ZNF407: variants seen among roughly 807,000 people sequenced by gnomAD.
ZNF407 encodes zinc finger protein 407.
Under a neutral mutation model 131.2 loss-of-function variants are expected in ZNF407, and 17 were observed. The ratio of observed to expected loss-of-function variants is 0.13; its 90% CI spans 0.09 to 0.19. The LOEUF (loss-of-function observed/expected upper bound fraction) is 0.19. Among genes scored for constraint, ZNF407 ranks in the 10% least tolerant of loss-of-function variants. The pLI, the probability that ZNF407 is intolerant of heterozygous loss-of-function variation, is 1.00. For synonymous variants in ZNF407, 1,156 were observed against 1,062.0 expected, an observed-to-expected ratio of 1.09 and a Z score of -1.72; for missense variants, 2,681 against 2,830.6, an observed-to-expected ratio of 0.95 and a Z score of 1.20.
intron 5 of ZNF407, among the ~76,000 whole-genome samples, chr18:74,878,965 T>C (rs1184889690): frequency 6.7e-6 from 1 of 148,640 alleles, no homozygotes; most frequent in Non-Finnish European, 1.5e-5. Context: ...AAATATGATA[T>C]ACAATACATT....
At chr18:74,708,937 C>T (rs771764351) in intron 3 of ZNF407, among the ~76,000 whole-genome samples, 8 of 152,148 alleles carry the variant, frequency 5.3e-5, no homozygotes, top group Admixed American at 1.3e-4. Flanking sequence ...TAGGGCCTGT[C>T]GCAGAGAATT....
intron 8 of ZNF407, among the ~76,000 whole-genome samples, chr18:74,948,541 A>G (rs558822874): frequency 5.3e-5 from 8 of 152,234 alleles, no homozygotes; most frequent in Non-Finnish European, 1.0e-4. Flanking sequence ...AATGCAGTAA[A>G]TGTTGAATCC....
In ZNF407 at chr18:74,824,533, C is replaced by G. The variant is rs528073468; in HGVS notation, c.4877+43031C>G. 4.6e-5 allele frequency among the ~76,000 whole-genome samples: 7 copies of G among 152,268 alleles called. No homozygotes were observed. In the East Asian group the frequency reaches 1.4e-3, roughly 29 times the overall value. On this transcript the variant is annotated intron_variant, in intron 4 of 8. Transcript: ENST00000299687. ...GCAATAAAAAATGATAAAGGGATAT[C>G]ACCACCAATCCCACAGAAATACAAA...
intron 3 of ZNF407, among the ~76,000 whole-genome samples, chr18:74,674,472 A>G (rs191508486): frequency 1.5e-4 from 22 of 150,498 alleles, no homozygotes; most frequent in Admixed American, 3.3e-4. Context: ...CAAGTGGTCA[A>G]TGATCAATAC....
At chr18:74,937,443 C>T (rs1910300367) in intron 8 of ZNF407, among the ~76,000 whole-genome samples, 1 of 152,180 alleles carries the variant, frequency 6.6e-6, no homozygotes, top group Non-Finnish European at 1.5e-5. Context: ...CCTGTGGTTT[C>T]TGTATAACCA....
intron 4 of ZNF407, among the ~76,000 whole-genome samples, chr18:74,787,837 A>G (rs182869277): frequency 6.6e-6 from 1 of 152,366 alleles, no homozygotes; most frequent in African/African-American, 2.4e-5. Flanking sequence ...AATGACTTAA[A>G]TTTAAGACTG....
intron 8 of ZNF407, among the ~76,000 whole-genome samples, chr18:75,039,267 T>C (rs920449074): frequency 1.3e-5 from 2 of 152,254 alleles, no homozygotes; most frequent in African/African-American, 4.8e-5. Flanking sequence ...TTTACACTGA[T>C]GATTTCAGTA....
At chr18:74,842,083 G>A (rs1970641730) in intron 4 of ZNF407, among the ~76,000 whole-genome samples, 1 of 152,038 alleles carries the variant, frequency 6.6e-6, no homozygotes, top group Non-Finnish European at 1.5e-5. Flanking sequence ...GTGTTATTTT[G>A]GTCAGACATT....
In ZNF407 at chr18:74,742,712, C is replaced by T. The variant is rs557260310; in HGVS notation, c.4803-38716C>T. Among the ~76,000 whole-genome samples, 4 of 152,108 alleles carry T rather than the reference C, an allele frequency of 2.6e-5. No homozygotes were observed. The South Asian group carries it at 8.3e-4, about 32-fold the overall frequency. Reference sequence around the variant, plus strand: ...TGTAGCTGCAGTAGCTCAAAGTATCCATTTGCTCACATTTTTCTCCTGTGT... The same window carrying T: ...TGTAGCTGCAGTAGCTCAAAGTATCTATTTGCTCACATTTTTCTCCTGTGT... On this transcript the variant is annotated intron_variant, in intron 3 of 8. Transcript: ENST00000299687.
intron 8 of ZNF407, among the ~76,000 whole-genome samples, chr18:74,974,146 G>A (rs951783117): frequency 6.6e-6 from 1 of 152,076 alleles, no homozygotes; most frequent in African/African-American, 2.4e-5. Context: ...GTGCAGATGT[G>A]CGATGGACAT....
At chr18:74,619,872 G>A (rs986692115) in intron 1 of ZNF407, among the ~76,000 whole-genome samples, 4 of 152,080 alleles carry the variant, frequency 2.6e-5, no homozygotes, top group African/African-American at 9.7e-5. Context: ...ATCGTGATTA[G>A]TTACATTGAT....
chr18:74,794,785 C>T (rs1356570752), intron 4 of ZNF407, among the ~76,000 whole-genome samples: 2 of 152,094 alleles, frequency 1.3e-5, no homozygotes, highest in Non-Finnish European at 2.9e-5. Flanking sequence ...TATGCTTTCT[C>T]ATGAGAGATC....
Position 74,633,510 on chromosome 18 carries a change from G to A in ZNF407, c.2491G>A (p.Asp831Asn). 1 of 1,614,002 alleles carries A rather than the reference G, an allele frequency of 6.2e-7. No homozygotes were observed. Among genetic ancestry groups the A allele is most frequent in the Non-Finnish European group, 8.5e-7 (1 of 1,179,884 alleles). ...LSQSGGSTKD[D>N]ELASTTTPKR... The stretch of plus-strand genomic sequence containing the variant: ...ACAGTCTGGTGGTAGCACCAAAGAT[G>A]ATGAATTAGCTTCAACCACTACTCC... The change falls in exon 2 of 9, where the codon GAT (aspartate) becomes AAT (asparagine). Residue 831 changes from aspartate to asparagine, a missense_variant. By Grantham distance (23) the Asp-to-Asn change is conservative. Transcript: ENST00000299687.
At chr18:74,738,836 G>C (rs1251561601) in intron 3 of ZNF407, among the ~76,000 whole-genome samples, 1 of 152,090 alleles carries the variant, frequency 6.6e-6, no homozygotes, top group Non-Finnish European at 1.5e-5. Flanking sequence ...GAGGAATACT[G>C]GGATTTCTGA....
At chr18:74,799,643 A>G (rs1017191115) in intron 4 of ZNF407, among the ~76,000 whole-genome samples, 2 of 152,046 alleles carry the variant, frequency 1.3e-5, no homozygotes, top group African/African-American at 4.8e-5. Context: ...ATCTCTTTTC[A>G]TTTGCAATAG....
At chr18:74,610,945 A>G (rs546113668) in intron 1 of ZNF407, among the ~76,000 whole-genome samples, 16 of 152,328 alleles carry the variant, frequency 1.1e-4, no homozygotes, top group Admixed American at 5.9e-4. Context: ...CCAAATGTTC[A>G]TGTGAAATTT....
At chr18:74,998,864 G>C (rs532192836) in intron 8 of ZNF407, among the ~76,000 whole-genome samples, 136 of 37,860 alleles carry the variant, frequency 3.6e-3, no homozygotes, top group African/African-American at 0.015. Flanking sequence ...ACCCAAATGA[G>C]TATAAATCAT....
At chr18:74,627,882 C>T (rs1226193291) in intron 1 of ZNF407, among the ~76,000 whole-genome samples, 1 of 109,492 alleles carries the variant, frequency 9.1e-6, no homozygotes, top group Non-Finnish European at 1.7e-5. Context: ...CTTCTCTTTC[C>T]TTTCTTTTTC....
chr18:74,804,183 ATTCATTTGTGTGATGTAAATCATCAC>A, intron 4 of ZNF407: 2 of 1,388,498 alleles, frequency 1.4e-6, no homozygotes, highest in Non-Finnish European at 1.9e-6. Context: ...GCATACTTGA[ATTCATTTGTGTGATGTAAATCATCAC>A]ACAAATGTAG....
Sources: gnomAD v4.1 joint callset for allele counts (sites outside exome capture counted in the v4.1 genomes callset) on GRCh38, gnomAD v4.1.1 for gene constraint, MANE v1.5 for transcripts, NCBI Gene and HGNC (gene_info 2026-07-23, HGNC 2026-07-21) for gene names.